Variants in AKAP19 observed in about 807,000 individuals in gnomAD.
AKAP19 encodes the protein small A-kinase anchoring protein.
At chr2:190,114,707 C>T in the AKAP19 span, among the ~76,000 whole-genome samples, 5 of 152,304 alleles carry the variant, frequency 3.3e-5, no homozygotes, top group South Asian at 2.1e-4. Flanking sequence ...CCACCCATCT[C>T]GGCCTCCCAA....
the AKAP19 span, among the ~76,000 whole-genome samples, chr2:189,979,200 AC>A: frequency 6.6e-6 from 1 of 152,196 alleles, no homozygotes; most frequent in Admixed American, 6.5e-5. Context: ...GGCTATAGTA[AC>A]CAAAACAACA....
At chr2:190,024,535 G>A in the AKAP19 span, among the ~76,000 whole-genome samples, 43,711 of 151,710 alleles carry the variant, frequency 0.29, 7,425 homozygotes, top group African/African-American at 0.48. Context: ...AAACTGTGCT[G>A]AGGATATCTA....
chr2:190,023,497 G>A, the AKAP19 span, among the ~76,000 whole-genome samples: 2 of 152,096 alleles, frequency 1.3e-5, no homozygotes, highest in East Asian at 3.9e-4. Context: ...TATGACTATA[G>A]AATGATCCTT....
chr2:190,177,208 T>C, the AKAP19 span, among the ~76,000 whole-genome samples: 6 of 152,212 alleles, frequency 3.9e-5, no homozygotes, highest in African/African-American at 1.2e-4. This position sits in a 1 kb window ranked among gnomAD's most constrained non-coding sequence, Gnocchi z 4.6. Flanking sequence ...GCTTCTTATT[T>C]TGTAACCTGA....
the AKAP19 span, among the ~76,000 whole-genome samples, chr2:190,136,540 C>T: frequency 1.8e-4 from 28 of 152,206 alleles, no homozygotes; most frequent in Non-Finnish European, 3.8e-4. Flanking sequence ...GTAAACAAGC[C>T]TGTTTGAGAT....
chr2:190,103,299 C>T, the AKAP19 span, among the ~76,000 whole-genome samples: 1 of 152,174 alleles, frequency 6.6e-6, no homozygotes, highest in Non-Finnish European at 1.5e-5. Flanking sequence ...GATGCCTACT[C>T]TCACCACTCC....
At chr2:190,057,241 A>G in the AKAP19 span, 2 of 1,612,792 alleles carry the variant, frequency 1.2e-6, no homozygotes, top group South Asian at 2.2e-5. Context: ...GGAAGTTATG[A>G]ACGCTTAATA....
At chr2:189,944,643 C>T in the AKAP19 span, among the ~76,000 whole-genome samples, 102 of 152,182 alleles carry the variant, frequency 6.7e-4, 1 homozygote, top group South Asian at 0.013. Context: ...TGCAATACAA[C>T]AATAATAGGG....
chr2:190,061,499 A>G, the AKAP19 span, among the ~76,000 whole-genome samples: 1 of 151,956 alleles, frequency 6.6e-6, no homozygotes, highest in South Asian at 2.1e-4. Flanking sequence ...GAAGTACACA[A>G]ACTGGGTACT....
chr2:190,075,303 A>T, the AKAP19 span, among the ~76,000 whole-genome samples: 1 of 152,078 alleles, frequency 6.6e-6, no homozygotes, highest in Non-Finnish European at 1.5e-5. Context: ...TTTATGGCCC[A>T]CCTTATGTTC....
the AKAP19 span, among the ~76,000 whole-genome samples, chr2:190,089,380 G>A: frequency 1.3e-5 from 2 of 151,860 alleles, no homozygotes; most frequent in Non-Finnish European, 2.9e-5. Context: ...GAACTGTGAT[G>A]AGTAAGTATA....
chr2:190,164,047 G>A, the AKAP19 span: 1 of 152,242 alleles, frequency 6.6e-6, no homozygotes, highest in South Asian at 2.1e-4. Context: ...GGTGGAGACA[G>A]TTTAGTGAAC....
chr2:190,008,542 C>A, the AKAP19 span, among the ~76,000 whole-genome samples: 1 of 151,952 alleles, frequency 6.6e-6, no homozygotes, highest in African/African-American at 2.4e-5. Context: ...AATGATAGCC[C>A]AATCCAGAAG....
the AKAP19 span, among the ~76,000 whole-genome samples, chr2:189,953,634 C>CAAAAAAAAAA: frequency 1.4e-5 from 1 of 72,826 alleles, no homozygotes; most frequent in East Asian, 3.9e-4. Flanking sequence ...AACTCCATCT[C>CAAAAAAAAAA]AAAAAAAAAA....
At chr2:189,937,514 T>G in the AKAP19 span, among the ~76,000 whole-genome samples, 1 of 151,482 alleles carries the variant, frequency 6.6e-6, no homozygotes, top group Non-Finnish European at 1.5e-5. Flanking sequence ...ATAAAACAGT[T>G]TGTAGAATCA....
At chr2:190,179,363 C>T in the AKAP19 span, among the ~76,000 whole-genome samples, 24 of 151,568 alleles carry the variant, frequency 1.6e-4, no homozygotes, top group East Asian at 1.9e-3. This position sits in a 1 kb window ranked among gnomAD's most constrained non-coding sequence, Gnocchi z 6.0. Context: ...GCCAAGATTG[C>T]GCCATTGCAC....
chr2:190,151,951 T>C, the AKAP19 span, among the ~76,000 whole-genome samples: 1 of 151,366 alleles, frequency 6.6e-6, no homozygotes, highest in South Asian at 2.1e-4. Flanking sequence ...TGCAGTGAGC[T>C]GGGATTGTGC....
At chr2:189,954,965 G>T in the AKAP19 span, among the ~76,000 whole-genome samples, 1 of 151,942 alleles carries the variant, frequency 6.6e-6, no homozygotes, top group African/African-American at 2.4e-5. Context: ...TTTATTTATG[G>T]ACTTAGGGGT....
chr2:189,900,340 G>A, the AKAP19 span, among the ~76,000 whole-genome samples: 42 of 151,704 alleles, frequency 2.8e-4, no homozygotes, highest in African/African-American at 9.4e-4. Context: ...TAAAAAAAAA[G>A]GAATGTGACT....
Sources: gnomAD v4.1 joint callset for allele counts (sites outside exome capture counted in the v4.1 genomes callset) on GRCh38, gnomAD v4.1.1 for gene constraint, Gnocchi (gnomAD v3.1) non-coding constraint, MANE v1.5 for transcripts, NCBI Gene and HGNC (gene_info 2026-07-23, HGNC 2026-07-21) for gene names.